The following STPG2 variants were observed in gnomAD, a reference collection of about 807,000 sequenced individuals.
STPG2 encodes sperm-tail PG-rich repeat-containing protein 2.
A neutral mutation model predicts 54.2 loss-of-function variants in STPG2; 56 were observed. The observed-to-expected ratio is 1.03, with a 90% CI of 0.83 to 1.29. The LOEUF (loss-of-function observed/expected upper bound fraction) is 1.29. Ranked by LOEUF, STPG2 falls within the 50% of genes most tolerant of loss-of-function variation. The pLI is 0.00. For missense variants in STPG2, 596 were observed against 544.9 expected, an observed-to-expected ratio of 1.09 and a Z score of -0.93; for synonymous variants, 200 against 181.8, an observed-to-expected ratio of 1.10 and a Z score of -0.81.
chr4:97,899,980 A>G (rs1268300247), intron 8 of STPG2, among the ~76,000 whole-genome samples: 1 of 150,006 alleles, frequency 6.7e-6, no homozygotes, highest in East Asian at 2.0e-4. Context: ...AACAGAGTGA[A>G]CAGACAACCT....
intron 10 of STPG2, among the ~76,000 whole-genome samples, chr4:97,593,843 G>A (rs942135870): frequency 2.6e-5 from 4 of 151,668 alleles, no homozygotes; most frequent in East Asian, 1.9e-4. Flanking sequence ...AACAAAACCA[G>A]GGGCTAGGTA....
At chr4:97,972,155 A>G (rs1734349517) in intron 7 of STPG2, 125 bp downstream of exon 7, 1 of 580,364 alleles carries the variant, frequency 1.7e-6, no homozygotes, top group Admixed American at 4.1e-5. Flanking sequence ...TTTCCTTAAC[A>G]TATGGAACAT....
At chr4:97,459,472 C>CTCTG (rs1311093199) in intron 4 of STPG2, among the ~76,000 whole-genome samples, 51 of 135,804 alleles carry the variant, frequency 3.8e-4, no homozygotes, top group African/African-American at 1.4e-3. Flanking sequence ...CAGAGTCTTG[C>CTCTG]TCTGTCGCCC....
At chr4:97,872,823 A>G (rs1393588724) in intron 8 of STPG2, among the ~76,000 whole-genome samples, 1 of 151,268 alleles carries the variant, frequency 6.6e-6, no homozygotes, top group Non-Finnish European at 1.5e-5. Flanking sequence ...TACCCCAGAT[A>G]TAGTCAGTTG....
chr4:97,737,967 T>A (rs1725071909), intron 9 of STPG2, among the ~76,000 whole-genome samples: 1 of 152,092 alleles, frequency 6.6e-6, no homozygotes, highest in South Asian at 2.1e-4. Context: ...GAGAGAAAGG[T>A]CGGGTTACCC....
At chr4:97,984,005 T>A (rs1194919220) in intron 5 of STPG2, among the ~76,000 whole-genome samples, 1 of 152,166 alleles carries the variant, frequency 6.6e-6, no homozygotes, top group African/African-American at 2.4e-5. Flanking sequence ...TCCATATTTG[T>A]ATGCACCTTC....
chr4:97,873,478 T>C (rs1279579425), intron 8 of STPG2, among the ~76,000 whole-genome samples: 1 of 151,558 alleles, frequency 6.6e-6, no homozygotes, highest in African/African-American at 2.4e-5. Context: ...ACATTTTAAC[T>C]GTAGAAAAAT....
intron 5 of STPG2, among the ~76,000 whole-genome samples, chr4:97,984,213 C>T (rs191287048): frequency 1.3e-4 from 20 of 152,200 alleles, no homozygotes; most frequent in African/African-American, 4.8e-4. Flanking sequence ...GGCGCAATCT[C>T]GACTCACTGG....
chr4:97,463,158 G>T (rs1316451830), intron 4 of STPG2, among the ~76,000 whole-genome samples: 2 of 151,882 alleles, frequency 1.3e-5, no homozygotes. Context: ...ATATTATCCA[G>T]CTTTCAAGCA....
At chr4:97,733,725 T>C (rs1724881824) in intron 9 of STPG2, among the ~76,000 whole-genome samples, 1 of 152,184 alleles carries the variant, frequency 6.6e-6, no homozygotes, top group Non-Finnish European at 1.5e-5. Flanking sequence ...GGCCAGGTGC[T>C]GGTCCGGTTG....
chr4:97,564,111 G>A (rs1006662010), intron 10 of STPG2, among the ~76,000 whole-genome samples: 1 of 152,140 alleles, frequency 6.6e-6, no homozygotes, highest in Non-Finnish European at 1.5e-5. Flanking sequence ...ATGAATGTAG[G>A]TGCTCCTGTA....
intron 10 of STPG2, among the ~76,000 whole-genome samples, chr4:97,604,538 C>A (rs1401897648): frequency 6.6e-6 from 1 of 151,604 alleles, no homozygotes; most frequent in African/African-American, 2.4e-5. Flanking sequence ...GTCAAAATAT[C>A]ATCTGAATGA....
chr4:97,962,733 C>A (rs1365537109), intron 7 of STPG2, among the ~76,000 whole-genome samples: 2 of 152,160 alleles, frequency 1.3e-5, no homozygotes, highest in African/African-American at 2.4e-5. Context: ...CTTCATTTTA[C>A]TAAGTACAAA....
intron 8 of STPG2, among the ~76,000 whole-genome samples, chr4:97,880,446 C>G (rs1170672197): frequency 6.6e-6 from 1 of 152,142 alleles, no homozygotes; most frequent in African/African-American, 2.4e-5. Flanking sequence ...ATGGCAAGAT[C>G]TATTTCATTT....
chr4:98,014,679 C>T (rs1735874080), intron 5 of STPG2, among the ~76,000 whole-genome samples: 1 of 152,128 alleles, frequency 6.6e-6, no homozygotes, highest in Non-Finnish European at 1.5e-5. Context: ...AGTATTCTAA[C>T]TTTGACTATA....
rs1455232551 is a variant in STPG2 at position 97,840,776 on chromosome 4, G to C, written c.1201C>G (p.Pro401Ala). The change falls in exon 9 of 11, where the codon CCA becomes GCA. Residue 401 changes from proline (P) to alanine (A), a missense_variant. By Grantham distance (27) the Pro-to-Ala change is conservative (BLOSUM62 -1). Transcript: ENST00000295268. Reference sequence around the variant, plus strand: ...TTATAAGGACTTCTAGACTTACCTGGCCCATCAGTCACTTTTTCTAGGCAC... The same window carrying C: ...TTATAAGGACTTCTAGACTTACCTGCCCCATCAGTCACTTTTTCTAGGCAC... Reference protein sequence around the residue: ...PRCLEKVTDGPGPAAYNPVLR... With the variant: ...PRCLEKVTDGAGPAAYNPVLR... 1 of 1,610,404 alleles carries C rather than the reference G, an allele frequency of 6.2e-7. No individual in the cohort carries two copies. Among genetic ancestry groups the C allele is most frequent in the South Asian group, 1.1e-5 (1 of 90,848 alleles).
intron 9 of STPG2, among the ~76,000 whole-genome samples, chr4:97,714,515 C>G (rs923079435): frequency 2.0e-5 from 3 of 152,082 alleles, no homozygotes; most frequent in Non-Finnish European, 4.4e-5. Context: ...ATCTAAAGTT[C>G]CTTGTGGGAA....
At chr4:97,559,802 TA>T (rs1732177609) in intron 10 of STPG2, among the ~76,000 whole-genome samples, 1 of 152,222 alleles carries the variant, frequency 6.6e-6, no homozygotes, top group African/African-American at 2.4e-5. Context: ...TTCCAATTCC[TA>T]ATGTCCTTTT....
intron 5 of STPG2, among the ~76,000 whole-genome samples, chr4:97,984,799 A>AC (rs1734781084): frequency 4.4e-5 from 1 of 22,872 alleles, no homozygotes; most frequent in African/African-American, 1.4e-4. Context: ...ACATTTGCTG[A>AC]TTACCCGCAA....
Sources: gnomAD v4.1 joint callset for allele counts (sites outside exome capture counted in the v4.1 genomes callset) on GRCh38, gnomAD v4.1.1 for gene constraint, MANE v1.5 for transcripts, NCBI Gene and HGNC (gene_info 2026-07-23, HGNC 2026-07-21) for gene names.